Variants in PTPRD observed in about 807,000 individuals in gnomAD.
PTPRD encodes protein tyrosine phosphatase receptor type D, also known as receptor-type tyrosine-protein phosphatase delta.
Under a neutral mutation model 214.5 loss-of-function variants are expected in PTPRD, and 34 were observed. That is an observed-to-expected ratio of 0.16 (90% CI 0.12 to 0.21). PTPRD has a LOEUF of 0.21. Ranked by LOEUF, PTPRD falls within the 10% of genes least tolerant of loss-of-function variation. The pLI, the probability that PTPRD is intolerant of heterozygous loss-of-function variation, is 1.00. For synonymous variants in PTPRD, 1,128 were observed against 845.7 expected, an observed-to-expected ratio of 1.33 and a Z score of -5.79; for missense variants, 2,545 against 2,398.7, an observed-to-expected ratio of 1.06 and a Z score of -1.27.
chr9:8,573,014 G>C (rs2091554535), intron 14 of PTPRD, among the ~76,000 whole-genome samples: 1 of 151,846 alleles, frequency 6.6e-6, no homozygotes, highest in Non-Finnish European at 1.5e-5. Flanking sequence ...TGCCATCATA[G>C]CAACTCCTAT....
In PTPRD at chr9:8,787,550, T is replaced by C. The variant is rs988606212; in HGVS notation, c.-103-53604A>G. Among the ~76,000 whole-genome samples, 7 of 152,104 alleles carry C rather than the reference T, an allele frequency of 4.6e-5. No homozygotes were observed. The South Asian group carries it at 6.2e-4, about 13-fold the overall frequency. ...ATCTATATTGGTTAAAAAAAAGATA[T>C]TGAATAAAGCCTAGATCCATCTGGA... On this transcript the variant is annotated intron_variant, in intron 11 of 45. Transcript: ENST00000381196.
chr9:8,757,401 A>G (rs1191874024), intron 11 of PTPRD, among the ~76,000 whole-genome samples: 1 of 152,078 alleles, frequency 6.6e-6, no homozygotes, highest in Non-Finnish European at 1.5e-5. Flanking sequence ...TTAGATGTTG[A>G]TATGTTCAAA....
chr9:8,336,333 G>A (rs1846641775), intron 43 of PTPRD, among the ~76,000 whole-genome samples: 1 of 149,110 alleles, frequency 6.7e-6, no homozygotes, highest in South Asian at 2.1e-4. Context: ...CAAACCTGAG[G>A]GAAAACAAGA....
Position 8,771,114 on chromosome 9 carries a change from G to C in PTPRD, c.-103-37168C>G, listed in dbSNP as rs550745400. On this transcript the variant is annotated intron_variant, in intron 11 of 45. Transcript: ENST00000381196. ...GAGAATGGTGTGAACCTGGGAGGCA[G>C]AGCTTGCAGTGAGCCGAGATCACAC... Among the ~76,000 whole-genome samples the C allele has an allele frequency of 4.6e-5, 7 of 150,702 alleles. No individual in the cohort carries two copies. The South Asian group carries it at 1.3e-3, about 27-fold the overall frequency.
intron 8 of PTPRD, among the ~76,000 whole-genome samples, chr9:9,408,458 C>A (rs1180729802): frequency 6.6e-6 from 1 of 151,776 alleles, no homozygotes; most frequent in African/African-American, 2.4e-5. Flanking sequence ...TTCATACCTG[C>A]ATTACTTGTT....
rs529159442 is a variant in PTPRD at position 9,676,493 on chromosome 9, A to G, written c.-287+58040T>C. Among the ~76,000 whole-genome samples, 401 of 152,110 alleles carry G rather than the reference A, an allele frequency of 2.6e-3. 1 individual carries two copies. Among genetic ancestry groups the G allele is most frequent in the African/African-American group, 9.0e-3 (373 of 41,518 alleles). On this transcript the variant is annotated intron_variant, in intron 7 of 45. Coordinates refer to ENST00000381196, the MANE Select transcript of PTPRD (RefSeq NM_002839.4). ...ATGGCTGCATAGTATTCCATGGTGT[A>G]TATGTGCCACATTTTCTTAATCCAG...
intron 3 of PTPRD, among the ~76,000 whole-genome samples, chr9:10,237,256 T>C (rs1398094030): frequency 1.3e-5 from 2 of 151,790 alleles, no homozygotes; most frequent in African/African-American, 4.8e-5. Flanking sequence ...AAGAAAAAAA[T>C]AGTCTCAAAA....
intron 5 of PTPRD, among the ~76,000 whole-genome samples, chr9:9,869,680 G>A (rs1465714620): frequency 6.6e-6 from 1 of 151,988 alleles, no homozygotes; most frequent in African/African-American, 2.4e-5. Flanking sequence ...GGTGAATGAG[G>A]ATGGTTTAAA....
Position 9,545,976 on chromosome 9 carries a change from C to T in PTPRD, c.-237+28756G>A, listed in dbSNP as rs1361868696. Among the ~76,000 whole-genome samples, 3 of 151,586 alleles carry T rather than the reference C, an allele frequency of 2.0e-5. No individual in the cohort carries two copies. In the East Asian group the frequency reaches 5.8e-4, roughly 29 times the overall value. On this transcript the variant is annotated intron_variant, in intron 8 of 45. Coordinates refer to ENST00000381196, the MANE Select transcript of PTPRD (RefSeq NM_002839.4). ...TTTTTTTTATTCTATCAGGGTTTTT[C>T]AGTTTCTCACATAGATCTTGTCCAT...
At chr9:8,318,027 C>CA in intron 45 of PTPRD, 85 bp from the exon 46 acceptor site, 2 of 1,270,074 alleles carry the variant, frequency 1.6e-6, no homozygotes, top group Admixed American at 1.8e-5. Flanking sequence ...TATTGCATAA[C>CA]AAAATAACAT....
At chr9:8,597,486 A>G (rs908271077) in intron 14 of PTPRD, among the ~76,000 whole-genome samples, 9 of 151,452 alleles carry the variant, frequency 5.9e-5, no homozygotes, top group Non-Finnish European at 7.4e-5. Flanking sequence ...TTATACAAAC[A>G]ATAAAAGCAA....
intron 7 of PTPRD, among the ~76,000 whole-genome samples, chr9:9,674,404 T>C (rs527264819): frequency 4.6e-5 from 7 of 151,292 alleles, no homozygotes; most frequent in African/African-American, 1.5e-4. Context: ...CAACATTAAA[T>C]TGAAAGAAAA....
At chr9:10,398,908 T>C (rs1174031900) in intron 2 of PTPRD, among the ~76,000 whole-genome samples, 2 of 152,016 alleles carry the variant, frequency 1.3e-5, no homozygotes, top group Non-Finnish European at 2.9e-5. Context: ...TAGGAAATCA[T>C]GGATCTGAGG....
Position 9,493,313 on chromosome 9 carries a change from T to C in PTPRD, c.-237+81419A>G, listed in dbSNP as rs139920945. Among the ~76,000 whole-genome samples the C allele has an allele frequency of 1.6e-3, 245 of 152,254 alleles. 1 individual carries two copies. Among genetic ancestry groups the C allele is most frequent in the African/African-American group, 5.7e-3 (235 of 41,558 alleles). ...TTTAAAGCCCATTGTGGAGAACTTCTGCTCAGATAAAAAGATTTCTTTCCA... is the reference window on the plus strand; with the variant it reads ...TTTAAAGCCCATTGTGGAGAACTTCCGCTCAGATAAAAAGATTTCTTTCCA... On this transcript the variant is annotated intron_variant, in intron 8 of 45. Coordinates refer to ENST00000381196, the MANE Select transcript of PTPRD (RefSeq NM_002839.4).
chr9:10,328,602 T>G (rs2096690498), intron 3 of PTPRD, among the ~76,000 whole-genome samples: 1 of 151,802 alleles, frequency 6.6e-6, no homozygotes, highest in Non-Finnish European at 1.5e-5. Context: ...TCCCGAGACT[T>G]TGAATGACTT....
intron 11 of PTPRD, among the ~76,000 whole-genome samples, chr9:8,879,019 G>A (rs762315662): frequency 5.3e-5 from 8 of 152,160 alleles, no homozygotes; most frequent in Non-Finnish European, 1.0e-4. Context: ...TTACTCTGTT[G>A]ATACTGTGGA....
intron 9 of PTPRD, among the ~76,000 whole-genome samples, chr9:9,312,286 G>C (rs1959207234): frequency 6.6e-6 from 1 of 152,140 alleles, no homozygotes; most frequent in Non-Finnish European, 1.5e-5. Flanking sequence ...TGCAACTTGA[G>C]TCTAATTCCA....
chr9:9,893,509 T>C (rs2074049598), intron 5 of PTPRD, among the ~76,000 whole-genome samples: 1 of 152,120 alleles, frequency 6.6e-6, no homozygotes, highest in African/African-American at 2.4e-5. Flanking sequence ...TATGTCAAAC[T>C]CCTATAAAAA....
At chr9:10,577,528 G>A (rs892834308) in intron 2 of PTPRD, among the ~76,000 whole-genome samples, 3 of 152,168 alleles carry the variant, frequency 2.0e-5, no homozygotes, top group African/African-American at 7.2e-5. Context: ...AAAGAATTAA[G>A]CCCTACCAAC....
Sources: gnomAD v4.1 joint callset for allele counts (sites outside exome capture counted in the v4.1 genomes callset) on GRCh38, gnomAD v4.1.1 for gene constraint, MANE v1.5 for transcripts, NCBI Gene and HGNC (gene_info 2026-07-23, HGNC 2026-07-21) for gene names.